ALS2CL: variants seen among roughly 807,000 people sequenced by gnomAD.
The protein encoded by ALS2CL is ALS2 C-terminal like, also known as ALS2 C-terminal-like protein.
ALS2CL carries 112 observed loss-of-function variants against 127.9 expected under a neutral mutation model. The observed-to-expected ratio is 0.88, with a 90% CI of 0.75 to 1.02. The LOEUF is 1.02. ALS2CL is among the 50% of genes least tolerant of loss of function. The probability of loss-of-function intolerance (pLI) is 0.00; values close to 1 mark genes in which losing one functional copy is unlikely to be tolerated. For missense variants in ALS2CL, 1,174 were observed against 1,236.7 expected (o/e 0.95, Z 0.76); for synonymous variants, 519 against 527.6 (o/e 0.98, Z 0.22).
intron 9 of ALS2CL, among the ~76,000 whole-genome samples, chr3:46,683,549 A>G (rs1272015461): frequency 2.0e-5 from 3 of 152,172 alleles, no homozygotes; most frequent in Non-Finnish European, 2.9e-5. Flanking sequence ...GGGGCCAAAC[A>G]AGACCTCAGG....
At chr3:46,676,450 G>A (rs1162485075) in intron 18 of ALS2CL, 48 bp from the exon 19 acceptor site, 1 of 1,609,012 alleles carries the variant, frequency 6.2e-7, no homozygotes, top group Non-Finnish European at 8.5e-7. Flanking sequence ...CTGGGGTCTG[G>A]AGCACAGCAT....
rs146374176 is a variant in ALS2CL, at chr3:46,681,115, C to T, written c.1436+131G>A. On this transcript the variant is annotated intron_variant, in intron 13 of 25. Coordinates refer to ENST00000318962, the MANE Select transcript of ALS2CL (RefSeq NM_147129.5). This position sits in a 1 kb window ranked among gnomAD's most constrained non-coding sequence, Gnocchi z 4.9. ...CTGAGCCTCCGCAGCAACCGAGGGA[C>T]TGGAGGGGAAGTGAGGGGCTTAAGA... 4.9e-6 allele frequency: 7 copies of T among 1,423,534 alleles called. No homozygotes were observed. The African/African-American group carries it at 8.4e-5, about 17-fold the overall frequency. The allele number at this position is 1,423,534 out of a possible 1,614,324, so 88.2% of individuals were successfully genotyped here.
rs1487551954 is a variant in ALS2CL, at chr3:46,689,320, T to C, written c.103+18A>G. The C allele has an allele frequency of 1.9e-6, 3 of 1,611,492 alleles. No individual in the cohort carries two copies. The South Asian group carries it at 3.3e-5, about 18-fold the overall frequency. On this transcript the variant is annotated intron_variant, in intron 2 of 25. Coordinates refer to ENST00000318962, the MANE Select transcript of ALS2CL (RefSeq NM_147129.5). ...TTCCTCGGTGCCCTTCCCTCCCCAC[T>C]AGAAAGCCTAGACTCACCGGCTGGG...
intron 8 of ALS2CL, 49 bp downstream of exon 8, chr3:46,683,940 G>A (rs1352927865): frequency 1.2e-6 from 2 of 1,612,856 alleles, no homozygotes; most frequent in Non-Finnish European, 1.7e-6. Context: ...CAGGTGTCAT[G>A]GGGGTAAAGG....
At chr3:46,672,966 A>G (rs1320725901) in intron 22 of ALS2CL, among the ~76,000 whole-genome samples, 1 of 152,160 alleles carries the variant, frequency 6.6e-6, no homozygotes, top group Non-Finnish European at 1.5e-5. Flanking sequence ...AGATCGCACC[A>G]CTGCACTCTA....
chr3:46,671,804 G>A, intron 24 of ALS2CL, 80 bp downstream of exon 24: 1 of 1,585,376 alleles, frequency 6.3e-7, no homozygotes, highest in South Asian at 1.2e-5. Flanking sequence ...AAACCCTGGG[G>A]TTCAGAGGTA....
rs1330157864 is a variant in ALS2CL, at chr3:46,670,979, C to T, written c.*5G>A. The T allele has an allele frequency of 2.5e-6, 4 of 1,613,350 alleles. No individual in the cohort carries two copies. Among genetic ancestry groups the T allele is most frequent in the Non-Finnish European group, 3.4e-6 (4 of 1,179,290 alleles). On this transcript the variant is annotated 3_prime_UTR_variant, in exon 26 of 26. Coordinates refer to ENST00000318962, the MANE Select transcript of ALS2CL (RefSeq NM_147129.5). This position sits in a 1 kb window ranked among gnomAD's most constrained non-coding sequence, Gnocchi z 5.5. ...AGCTCTTCAGTCTGTCCAGGAAAGGCCAGGCTACCAGAGCTCCCTGGAGTG... is the reference window on the plus strand; with the variant it reads ...AGCTCTTCAGTCTGTCCAGGAAAGGTCAGGCTACCAGAGCTCCCTGGAGTG...
chr3:46,679,376 GATGT>G, intron 14 of ALS2CL, 89 bp from the exon 15 acceptor site: 4 of 1,145,492 alleles, frequency 3.5e-6, no homozygotes, highest in Non-Finnish European at 5.1e-6. Context: ...AAAGAAGGGA[GATGT>G]GCCCTGACAC....
At position 46,669,090 on chromosome 3, in the gene ALS2CL, G is replaced by C. The variant is rs1015848886; in HGVS notation, c.*1894C>G. 6.6e-6 allele frequency: 1 copy of C among 152,004 alleles called. No homozygotes were observed. The highest frequency in any genetic ancestry group is 2.4e-5 in the African/African-American group (1 of 41,354). 9.4% of individuals were successfully genotyped at this position (152,004 alleles called of 1,614,324 possible). On this transcript the variant is annotated 3_prime_UTR_variant, in exon 26 of 26. Transcript: ENST00000318962. ...TTTGTCACCCAGGATTGAGTGCAGA[G>C]GTGCGATCTCCGCTCACTGCAACCT... is the stretch of plus-strand genomic sequence containing the variant.
intron 1 of ALS2CL, among the ~76,000 whole-genome samples, chr3:46,690,593 C>G (rs562934827): frequency 2.6e-5 from 4 of 152,342 alleles, no homozygotes; most frequent in African/African-American, 9.6e-5. Flanking sequence ...GGTACCCTCA[C>G]TTGGCAATGT....
At chr3:46,673,304 G>A in intron 22 of ALS2CL, 35 bp downstream of exon 22, 1 of 1,551,630 alleles carries the variant, frequency 6.4e-7, no homozygotes, top group Non-Finnish European at 8.7e-7. Flanking sequence ...GGACCTCTGG[G>A]GGCCCCTGGC....
rs1202494746 is a variant in ALS2CL, at chr3:46,672,143, ATCT to A, written c.2528_2530del (p.Lys843del). 1 of 1,613,854 alleles carries A rather than the reference ATCT, an allele frequency of 6.2e-7. No individual in the cohort carries two copies. Among genetic ancestry groups the A allele is most frequent in the Non-Finnish European group, 8.5e-7 (1 of 1,179,976 alleles). On this transcript the variant is annotated inframe_deletion, in exon 23 of 26. Coordinates refer to ENST00000318962, the MANE Select transcript of ALS2CL (RefSeq NM_147129.5). ...ACCCACTACGGCTCACACTCACATG[ATCT>A]TCTGCAGGCACTCGGTGGCTGACAG...
Position 46,671,924 on chromosome 3 carries a change from C to G in ALS2CL, c.2644G>C (p.Asp882His). The part of the protein sequence containing the change: ...LGREYKLPMD[D>H]LLPLLIYVVS... Reference sequence around the variant, plus strand: ...ACGTAGATGAGAAGTGGCAGCAGGTCGTCCATGGGCAGCTTGTACTCCCGG... The same window carrying G: ...ACGTAGATGAGAAGTGGCAGCAGGTGGTCCATGGGCAGCTTGTACTCCCGG... Residue 882 changes from aspartate (D) to histidine (H), a missense_variant, in exon 24 of 26, where the codon GAC becomes CAC. Coordinates refer to ENST00000318962, the MANE Select transcript of ALS2CL (RefSeq NM_147129.5). The G allele has an allele frequency of 6.2e-7, 1 of 1,614,032 alleles. No individual in the cohort carries two copies. Among genetic ancestry groups the G allele is most frequent in the South Asian group, 1.1e-5 (1 of 91,082 alleles).
intron 2 of ALS2CL, among the ~76,000 whole-genome samples, chr3:46,688,756 C>T (rs1699970065): frequency 6.6e-6 from 1 of 152,236 alleles, no homozygotes; most frequent in African/African-American, 2.4e-5. Context: ...CATCCTGTTC[C>T]AGTCAGTCTT....
chr3:46,691,612 C>T (rs1336374385), intron 1 of ALS2CL, among the ~76,000 whole-genome samples: 1 of 152,160 alleles, frequency 6.6e-6, no homozygotes, highest in Non-Finnish European at 1.5e-5. Context: ...CATGCTTCAA[C>T]TTATCCACAG....
Position 46,686,468 on chromosome 3 carries a change from G to A in ALS2CL, c.535-29C>T, listed in dbSNP as rs1317025047. 3 of 1,602,902 alleles carry A rather than the reference G, an allele frequency of 1.9e-6. No individual in the cohort carries two copies. Among genetic ancestry groups the A allele is most frequent in the South Asian group, 1.1e-5 (1 of 88,926 alleles). On this transcript the variant is annotated intron_variant, in intron 5 of 25. Transcript: ENST00000318962. This position sits in a 1 kb window ranked among gnomAD's most constrained non-coding sequence, Gnocchi z 4.3. ...AAGGGGGACAGGGCAGCCAGTGAGAGGAGAGCTTACTGGAATCTTCCCTAG... is the reference window on the plus strand; with the variant it reads ...AAGGGGGACAGGGCAGCCAGTGAGAAGAGAGCTTACTGGAATCTTCCCTAG...
In ALS2CL at chr3:46,673,473, C is replaced by T. The variant is rs971972505; in HGVS notation, c.2430-92G>A. ...AAATTCCCTATGCCACTGTTTCCCCCGGCAGATCTGGGTCCTGAAAAGGGG... is the reference window on the plus strand; with the variant it reads ...AAATTCCCTATGCCACTGTTTCCCCTGGCAGATCTGGGTCCTGAAAAGGGG... On this transcript the variant is annotated intron_variant, in intron 21 of 25. Transcript: ENST00000318962. 37 of 1,343,818 alleles carry T rather than the reference C, an allele frequency of 2.8e-5. 1 individual carries two copies. The highest frequency in any genetic ancestry group is 1.2e-4 in the Admixed American group (6 of 48,442). The allele number at this position is 1,343,818 out of a possible 1,614,324, so 83.2% of individuals were successfully genotyped here. A position where few individuals can be genotyped will look rare whatever the true frequency, so the allele number is the denominator to read the frequency against.
At chr3:46,675,261 C>A in intron 20 of ALS2CL, 1 of 253,034 alleles carries the variant, frequency 4.0e-6, no homozygotes, top group Non-Finnish European at 7.5e-6. Flanking sequence ...GCCCACCTAA[C>A]TCCTGTATAA....
rs1258817966 is a variant in ALS2CL at position 46,683,985 on chromosome 3, T to C, written c.845+4A>G. The C allele has an allele frequency of 6.3e-7, 1 of 1,591,566 alleles. No homozygotes were observed. Among genetic ancestry groups the C allele is most frequent in the East Asian group, 2.3e-5 (1 of 43,516 alleles). On this transcript the variant is annotated splice_donor_region_variant and intron_variant, in intron 8 of 25. Transcript: ENST00000318962. The stretch of plus-strand genomic sequence containing the variant: ...CTGGGGTGTCAGCCGAGGGGGTTGC[T>C]CACCCGTCCTGCCCAGGATCCACCC...
Sources: allele counts gnomAD v4.1 joint callset (sites outside exome capture counted in the v4.1 genomes callset), GRCh38; gene constraint gnomAD v4.1.1; non-coding constraint Gnocchi (gnomAD v3.1); transcripts MANE v1.5; gene names NCBI Gene and HGNC (gene_info 2026-07-23, HGNC 2026-07-21).